AMHR2: variants seen among roughly 807,000 people sequenced by gnomAD.
The protein encoded by AMHR2 is anti-Muellerian hormone type-2 receptor.
AMHR2 carries 36 observed loss-of-function variants against 61.4 expected under a neutral mutation model. That is an observed-to-expected ratio of 0.59 (90% CI 0.45 to 0.77). The LOEUF (loss-of-function observed/expected upper bound fraction) is 0.77, where lower values mean the gene tolerates loss of function less well. Ranked by LOEUF, AMHR2 falls within the 30% of genes least tolerant of loss-of-function variation. The pLI is 0.00. For synonymous variants in AMHR2, 258 were observed against 279.4 expected (o/e 0.92, Z 0.76); for missense variants, 638 against 714.6 (o/e 0.89, Z 1.22).
Position 53,431,372 on chromosome 12 carries a change from A to T in AMHR2, c.1621A>T (p.Ile541Phe). ...CTGTACTTCAATTCCTGCCCCTACC[A>T]TCCTCCCCTGTAGGCCTCAGCGGAG... Reference protein sequence around the residue: ...EDCTSIPAPTILPCRPQRSAC... With the variant: ...EDCTSIPAPTFLPCRPQRSAC... Residue 541 changes from isoleucine to phenylalanine, a missense_variant, in exon 11 of 11, where the codon ATC becomes TTC. Transcript: ENST00000257863. 6.2e-7 allele frequency: 1 copy of T among 1,614,080 alleles called. No individual in the cohort carries two copies. The highest frequency in any genetic ancestry group is 8.5e-7 in the Non-Finnish European group (1 of 1,180,002).
At chr12:53,431,112 G>A in intron 10 of AMHR2, 65 bp from the exon 11 acceptor site, 8 of 1,582,078 alleles carry the variant, frequency 5.1e-6, no homozygotes, top group Non-Finnish European at 6.9e-6. Context: ...ACTGAAGATG[G>A]CTTTTAACCC....
chr12:53,427,017 C>T (rs11170552), intron 6 of AMHR2, among the ~76,000 whole-genome samples: 24,391 of 150,574 alleles, frequency 0.16, 2,065 homozygotes, highest in Admixed American at 0.19. Context: ...AAAGAAATAT[C>T]TTCAGGCACA....
At chr12:53,425,078 G>C (rs1939435941) in intron 3 of AMHR2, 87 bp from the exon 4 acceptor site, 1 of 1,603,206 alleles carries the variant, frequency 6.2e-7, no homozygotes, top group African/African-American at 1.3e-5. Flanking sequence ...GTGGGGGTGG[G>C]TTGAGACGCA....
At chr12:53,429,051 CTA>C (rs1188666118) in intron 7 of AMHR2, 41 bp downstream of exon 7, 1 of 1,484,804 alleles carries the variant, frequency 6.7e-7, no homozygotes, top group Non-Finnish European at 9.2e-7. Context: ...AGCCACAGTG[CTA>C]TGTTTGTGAT....
rs1940105781 is a variant in AMHR2, at chr12:53,431,641, G to A, written c.*168G>A. The A allele has an allele frequency of 3.6e-6, 3 of 825,318 alleles. No individual in the cohort carries two copies. The highest frequency in any genetic ancestry group is 5.3e-5 in the East Asian group (2 of 37,638). 51.1% of individuals were successfully genotyped at this position (825,318 alleles called of 1,614,324 possible). On this transcript the variant is annotated 3_prime_UTR_variant, in exon 11 of 11. Coordinates refer to ENST00000257863, the MANE Select transcript of AMHR2 (RefSeq NM_020547.3). ...CAGTGACTTGGGGTAGGTGTGCACAGGAAAGAGAATAAAGTCAGCTTTCCT... is the reference window on the plus strand; with the variant it reads ...CAGTGACTTGGGGTAGGTGTGCACAAGAAAGAGAATAAAGTCAGCTTTCCT...
In AMHR2 at chr12:53,429,587, AC is replaced by A. The variant is rs1939932295; in HGVS notation, c.1106del (p.Pro369LeufsTer53). The A allele has an allele frequency of 1.2e-6, 2 of 1,613,820 alleles. No individual in the cohort carries two copies. The highest frequency in any genetic ancestry group is 1.7e-6 in the Non-Finnish European group (2 of 1,179,976). On this transcript the variant is annotated frameshift_variant, in exon 8 of 11. Transcript: ENST00000257863. LOFTEE classifies it high-confidence loss of function. ...TGGCCTCACTCAGCCCCCTGCCTGG[AC>A]CCCTACTCAACCACAAGGCCCAGCT... Reference protein sequence around the residue: ...LPGLTQPPAWTPTQPQGPAAI... With the variant: ...LPGLTQPPAWXPTQPQGPAAI...
Position 53,425,887 on chromosome 12 carries a change from G to A in AMHR2, c.820G>A (p.Gly274Arg). The change falls in exon 6 of 11, where the codon GGG (glycine) becomes AGG (arginine). Residue 274 changes from glycine to arginine, a missense_variant. Physicochemically the swap from Gly to Arg is moderately radical, Grantham distance 125. Coordinates refer to ENST00000257863, the MANE Select transcript of AMHR2 (RefSeq NM_020547.3). ...SRGGPGRLLS[G>R]PLLVLELHPK... Reference sequence around the variant, plus strand: ...GGGGGGTCCTGGCCGCCTGCTCTCTGGGCCCCTGCTGGTACTGGAACTGCA... The same window carrying A: ...GGGGGGTCCTGGCCGCCTGCTCTCTAGGCCCCTGCTGGTACTGGAACTGCA... The A allele has an allele frequency of 1.2e-6, 2 of 1,614,012 alleles. No individual in the cohort carries two copies. Among genetic ancestry groups the A allele is most frequent in the Non-Finnish European group, 1.7e-6 (2 of 1,180,002 alleles).
chr12:53,431,003 A>G (rs1940054956), intron 10 of AMHR2, 174 bp from the exon 11 acceptor site: 1 of 797,258 alleles, frequency 1.3e-6, no homozygotes, highest in Non-Finnish European at 2.0e-6. Flanking sequence ...CCTGTTTCAT[A>G]GGGAGCAAGA....
intron 6 of AMHR2, among the ~76,000 whole-genome samples, chr12:53,427,198 G>T (rs545510786): frequency 2.8e-4 from 42 of 152,250 alleles, no homozygotes; most frequent in African/African-American, 8.4e-4. Context: ...AGTGTGCTAA[G>T]TGCTAGGAGA....
Position 53,425,178 on chromosome 12 carries a change from G to A in AMHR2, c.438G>A (p.Trp146Ter). ...GPQAAPGESI[W>*]MALVLLGLFL... Reference sequence around the variant, plus strand: ...CTTGATGTCCAGGTGAGTCCATCTGGATGGCACTGGTGCTGCTGGGGCTGT... The same window carrying A: ...CTTGATGTCCAGGTGAGTCCATCTGAATGGCACTGGTGCTGCTGGGGCTGT... The change falls in exon 4 of 11, where the codon TGG becomes TGA. Residue 146 changes from tryptophan to a stop codon, truncating the protein, a stop_gained. Coordinates refer to ENST00000257863, the MANE Select transcript of AMHR2 (RefSeq NM_020547.3). LOFTEE classifies it high-confidence loss of function. 1 of 1,613,884 alleles carries A rather than the reference G, an allele frequency of 6.2e-7. No individual in the cohort carries two copies.
At chr12:53,426,460 C>A (rs1287307574) in intron 6 of AMHR2, among the ~76,000 whole-genome samples, 1 of 151,900 alleles carries the variant, frequency 6.6e-6, no homozygotes, top group African/African-American at 2.4e-5. Flanking sequence ...CCCACCTCTA[C>A]AAAAAACAAA....
chr12:53,425,970 A>G (rs757132217), intron 6 of AMHR2, 51 bp downstream of exon 6: 1 of 1,546,982 alleles, frequency 6.5e-7, no homozygotes, highest in Non-Finnish European at 8.9e-7. Context: ...GTGTATGTAT[A>G]GAGGTGGGGG....
chr12:53,426,109 T>C (rs1040535866), intron 6 of AMHR2, among the ~76,000 whole-genome samples, 190 bp downstream of exon 6: 1 of 152,072 alleles, frequency 6.6e-6, no homozygotes. Context: ...GGTGGGTGGA[T>C]CGCTTAAGCC....
At chr12:53,426,808 C>T (rs913999783) in intron 6 of AMHR2, among the ~76,000 whole-genome samples, 8 of 151,592 alleles carry the variant, frequency 5.3e-5, no homozygotes, top group Non-Finnish European at 1.0e-4. Flanking sequence ...TCAGCCTCCC[C>T]AGTAGCTGGG....
At chr12:53,425,265 C>T (rs756025903) in intron 4 of AMHR2, 23 bp downstream of exon 4, 5 of 1,612,414 alleles carry the variant, frequency 3.1e-6, no homozygotes, top group Non-Finnish European at 3.4e-6. Flanking sequence ...CCCATCCCTC[C>T]CTTGTGACCC....
Position 53,425,671 on chromosome 12 carries a change from G to A in AMHR2, c.622-18G>A, listed in dbSNP as rs764475549. The A allele has an allele frequency of 3.1e-6, 5 of 1,613,694 alleles. No individual in the cohort carries two copies. The African/African-American group carries it at 6.7e-5, about 22-fold the overall frequency. On this transcript the variant is annotated intron_variant, in intron 5 of 10. Transcript: ENST00000257863. The stretch of plus-strand genomic sequence containing the variant: ...GTTATAGCTCAGAGGCCCACACTCA[G>A]CACAGTGTCCCCAGCAGGTAATCCG...
chr12:53,423,953 C>CT lies in AMHR2; in HGVS notation c.22dup (p.Trp8LeufsTer21), dbSNP rs1180004751. 1 of 1,614,052 alleles carries CT rather than the reference C, an allele frequency of 6.2e-7. No homozygotes were observed. Among genetic ancestry groups the CT allele is most frequent in the African/African-American group, 1.3e-5 (1 of 74,928 alleles). ...CAGCAAGATGCTAGGGTCTTTGGGG[C>CT]TTTGGGCATTACTTCCCACAGCTGT... On this transcript the variant is annotated frameshift_variant, in exon 1 of 11. Coordinates refer to ENST00000257863, the MANE Select transcript of AMHR2 (RefSeq NM_020547.3). LOFTEE classifies it high-confidence loss of function.
At chr12:53,428,822 T>C in intron 6 of AMHR2, 74 bp from the exon 7 acceptor site, 1 of 1,080,856 alleles carries the variant, frequency 9.3e-7, no homozygotes, top group Non-Finnish European at 1.4e-6. Context: ...GACTGTCAAT[T>C]GATCTCTGCT....
Position 53,424,438 on chromosome 12 carries a change from T to C in AMHR2, c.200T>C (p.Leu67Pro). The change falls in exon 2 of 11, where the codon CTG (leucine) becomes CCG (proline). Residue 67 changes from leucine to proline, a missense_variant. Physicochemically the swap from Leu to Pro is moderately conservative, Grantham distance 98 (BLOSUM62 -3). Transcript: ENST00000257863. ...CGCTGCTGCTTTGGGATCTGGAACC[T>C]GACCCAAGACCGGGCACAGGTGGAA... Reference protein sequence around the residue: ...YSRCCFGIWNLTQDRAQVEMQ... With the variant: ...YSRCCFGIWNPTQDRAQVEMQ... 6.2e-7 allele frequency: 1 copy of C among 1,613,578 alleles called. No individual in the cohort carries two copies. Among genetic ancestry groups the C allele is most frequent in the Non-Finnish European group, 8.5e-7 (1 of 1,179,836 alleles).
Sources: gnomAD v4.1 joint callset for allele counts (sites outside exome capture counted in the v4.1 genomes callset) on GRCh38, gnomAD v4.1.1 for gene constraint, MANE v1.5 for transcripts, NCBI Gene and HGNC (gene_info 2026-07-23, HGNC 2026-07-21) for gene names.